RNF212B: variants seen among roughly 807,000 people sequenced by gnomAD.
RNF212B encodes ring finger protein 212B, also known as E3 ubiquitin-protein ligase RNF212B.
A neutral mutation model predicts 55.5 loss-of-function variants in RNF212B; 52 were observed. The observed-to-expected ratio is 0.94, with a 90% confidence interval of 0.75 to 1.18. The LOEUF is 1.18. RNF212B is among the 50% of genes most tolerant of loss of function. The pLI is 0.00. For missense variants in RNF212B, 289 were observed against 350.4 expected (o/e 0.82, Z 1.40); for synonymous variants, 99 against 121.4 (o/e 0.82, Z 1.21).
chr14:23,217,109 A>T (rs28813416), intron 2 of RNF212B, among the ~76,000 whole-genome samples: 13,194 of 152,034 alleles, frequency 0.087, 808 homozygotes, highest in African/African-American at 0.17. Flanking sequence ...GCTATGGACC[A>T]GAGTGGAGCC....
intron 4 of RNF212B, among the ~76,000 whole-genome samples, chr14:23,245,509 A>G (rs1396113053): frequency 1.3e-5 from 2 of 152,188 alleles, no homozygotes; most frequent in African/African-American, 4.8e-5. Flanking sequence ...CATGGGACCA[A>G]TTACACATGG....
At chr14:23,192,035 A>G (rs1014278117) in intron 1 of RNF212B, among the ~76,000 whole-genome samples, 1 of 152,072 alleles carries the variant, frequency 6.6e-6, no homozygotes, top group African/African-American at 2.4e-5. Context: ...GTTAGGAAAC[A>G]ACAGGTGCTG....
chr14:23,209,135 C>A (rs1472916441), intron 2 of RNF212B, among the ~76,000 whole-genome samples: 1 of 152,108 alleles, frequency 6.6e-6, no homozygotes, highest in Non-Finnish European at 1.5e-5. Context: ...CCTTTTTAGA[C>A]CATATAAGAT....
Position 23,258,622 on chromosome 14 carries a change from C to T in RNF212B, c.302C>T (p.Thr101Ile), listed in dbSNP as rs1271564628. The change falls in exon 5 of 15, where the codon ACA (threonine) becomes ATA (isoleucine). Residue 101 changes from threonine to isoleucine, a missense_variant. Coordinates refer to ENST00000430154, the MANE Select transcript of RNF212B (RefSeq NM_001282322.3). Reference protein sequence around the residue: ...FYKHRITKLETAMQEAQQALV... With the variant: ...FYKHRITKLEIAMQEAQQALV... ...AAGCATAGAATTACAAAGTTAGAAA[C>T]AGCCATGCAGGAGGCACAGCAAGCA... 1.9e-6 allele frequency: 3 copies of T among 1,542,266 alleles called. No homozygotes were observed. Among genetic ancestry groups the T allele is most frequent in the Non-Finnish European group, 2.6e-6 (3 of 1,142,962 alleles).
intron 2 of RNF212B, among the ~76,000 whole-genome samples, chr14:23,226,678 G>A (rs1444001433): frequency 1.3e-5 from 2 of 152,006 alleles, no homozygotes; most frequent in African/African-American, 4.8e-5. Flanking sequence ...GGTGGGTGAT[G>A]GTAAGAGATG....
intron 2 of RNF212B, among the ~76,000 whole-genome samples, chr14:23,242,081 C>CAAAAAAAAAAAAAA (rs58497672): frequency 4.4e-4 from 16 of 36,648 alleles, no homozygotes; most frequent in East Asian, 9.1e-4. Context: ...GACTCCGTCT[C>CAAAAAAAAAAAAAA]AAAAAAAAAA....
chr14:23,233,116 T>C (rs1882835902), upstream of RNF212B, among the ~76,000 whole-genome samples: 1 of 152,202 alleles, frequency 6.6e-6, no homozygotes, highest in Non-Finnish European at 1.5e-5. Flanking sequence ...CCCCCAACTC[T>C]GTGCTCTCTG....
At chr14:23,233,466 C>T (rs903601514), upstream of RNF212B, among the ~76,000 whole-genome samples, 6 of 148,740 alleles carry the variant, frequency 4.0e-5, no homozygotes, top group African/African-American at 7.4e-5. Flanking sequence ...TGGCTCATGC[C>T]TATAATCCCA....
intron 2 of RNF212B, among the ~76,000 whole-genome samples, chr14:23,209,018 A>G (rs1450237536): frequency 6.6e-6 from 1 of 152,070 alleles, no homozygotes; most frequent in Non-Finnish European, 1.5e-5. Flanking sequence ...TTGGCCTCCC[A>G]GAGTGCTGGG....
At chr14:23,227,235 G>A (rs1415182826) in intron 2 of RNF212B, among the ~76,000 whole-genome samples, 2 of 145,752 alleles carry the variant, frequency 1.4e-5, no homozygotes, top group African/African-American at 2.6e-5. Flanking sequence ...TTTTTTTTTG[G>A]TAAAACGGAG....
chr14:23,209,168 A>T (rs544180837), intron 2 of RNF212B, among the ~76,000 whole-genome samples: 61 of 152,272 alleles, frequency 4.0e-4, no homozygotes, highest in Non-Finnish European at 7.8e-4. Context: ...TTGCCATGGC[A>T]TTTGTAAACT....
At chr14:23,223,650 C>G (rs867511179) in intron 2 of RNF212B, among the ~76,000 whole-genome samples, 1 of 152,296 alleles carries the variant, frequency 6.6e-6, no homozygotes, top group East Asian at 1.9e-4. Flanking sequence ...CCACCGCGCC[C>G]GGCCAAGCCT....
chr14:23,252,268 A>G (rs1884472162), intron 4 of RNF212B, among the ~76,000 whole-genome samples: 1 of 152,148 alleles, frequency 6.6e-6, no homozygotes, highest in African/African-American at 2.4e-5. Flanking sequence ...CCTATCACTC[A>G]GGAAATGCCA....
intron 2 of RNF212B, among the ~76,000 whole-genome samples, chr14:23,216,188 G>A (rs1881055802): frequency 6.6e-6 from 1 of 152,068 alleles, no homozygotes; most frequent in African/African-American, 2.4e-5. Flanking sequence ...GGAGCTTGCA[G>A]TGAGTCAAGA....
At chr14:23,213,521 A>G (rs1309342435) in intron 2 of RNF212B, among the ~76,000 whole-genome samples, 2 of 152,176 alleles carry the variant, frequency 1.3e-5, no homozygotes, top group Admixed American at 6.6e-5. Context: ...CAATTCATCC[A>G]CATTCTCCTG....
Position 23,269,910 on chromosome 14 carries a change from C to A in RNF212B, c.722C>A (p.Ser241Tyr). The change falls in exon 13 of 15, where the codon TCC becomes TAC. Residue 241 changes from serine (S) to tyrosine (Y), a missense_variant. Physicochemically the swap from Ser to Tyr is moderately radical, Grantham distance 144. Coordinates refer to ENST00000430154, the MANE Select transcript of RNF212B (RefSeq NM_001282322.3). Reference protein sequence around the residue: ...SGQGIFSFRPSPNGHSGHTRV... With the variant: ...SGQGIFSFRPYPNGHSGHTRV... The stretch of plus-strand genomic sequence containing the variant: ...CAGGGGATTTTTTCTTTCAGACCAT[C>A]CCCAAATGGGCATTCAGGCCACACA... 1 of 1,549,864 alleles carries A rather than the reference C, an allele frequency of 6.5e-7. No individual in the cohort carries two copies. The highest frequency in any genetic ancestry group is 8.7e-7 in the Non-Finnish European group (1 of 1,146,358).
intron 2 of RNF212B, among the ~76,000 whole-genome samples, chr14:23,222,721 G>A (rs178754): frequency 0.15 from 23,265 of 152,040 alleles, 2,151 homozygotes; most frequent in Middle Eastern, 0.24. Context: ...ATATTGATGC[G>A]AAAATGCTAG....
At chr14:23,210,003 A>T (rs1475296996) in intron 2 of RNF212B, among the ~76,000 whole-genome samples, 1 of 152,096 alleles carries the variant, frequency 6.6e-6, no homozygotes, top group Non-Finnish European at 1.5e-5. Flanking sequence ...AAATACAAAA[A>T]TTAGCTGGCA....
At chr14:23,242,545 A>G (rs999651819) in intron 2 of RNF212B, among the ~76,000 whole-genome samples, 3 of 152,204 alleles carry the variant, frequency 2.0e-5, no homozygotes, top group Non-Finnish European at 2.9e-5. Flanking sequence ...TAGAATAAAA[A>G]AGAGTAACTT....
Sources: gnomAD v4.1 joint callset for allele counts (sites outside exome capture counted in the v4.1 genomes callset) on GRCh38, gnomAD v4.1.1 for gene constraint, MANE v1.5 for transcripts, NCBI Gene and HGNC (gene_info 2026-07-23, HGNC 2026-07-21) for gene names.